The following USP45 variants were observed in gnomAD, a reference collection of about 807,000 sequenced individuals.
USP45 encodes the protein ubiquitin specific peptidase 45.
A neutral mutation model predicts 95.8 loss-of-function variants in USP45; 89 were observed. The observed-to-expected ratio is 0.93, with a 90% CI of 0.78 to 1.11. The LOEUF (loss-of-function observed/expected upper bound fraction) is 1.11. Among genes scored for constraint, USP45 ranks in the 50% least tolerant of loss-of-function variants. The pLI is 0.00. For missense variants in USP45, 898 were observed against 942.5 expected (o/e 0.95, Z 0.62); for synonymous variants, 281 against 316.2 (o/e 0.89, Z 1.18).
intron 8 of USP45, among the ~76,000 whole-genome samples, chr6:99,479,601 C>CAAA (rs34635892): frequency 0.12 from 13,677 of 117,030 alleles, 1,137 homozygotes; most frequent in African/African-American, 0.21. Flanking sequence ...TTCCAACAGA[C>CAAA]AAAAAAAAAA....
chr6:99,475,337 T>C (rs866576437), intron 9 of USP45, among the ~76,000 whole-genome samples: 1 of 97,150 alleles, frequency 1.0e-5, no homozygotes, highest in Non-Finnish European at 2.2e-5. Flanking sequence ...TTTTTTTTTT[T>C]ACAGCGTTTC....
intron 13 of USP45, among the ~76,000 whole-genome samples, chr6:99,459,101 G>T (rs1196585602): frequency 1.3e-5 from 2 of 152,082 alleles, no homozygotes; most frequent in Non-Finnish European, 2.9e-5. Flanking sequence ...ACTAAGCCTA[G>T]TATCCAATAT....
chr6:99,468,647 C>G (rs772470810), intron 9 of USP45, 29 bp from the exon 10 acceptor site: 60 of 1,480,992 alleles, frequency 4.1e-5, no homozygotes, highest in Non-Finnish European at 5.3e-5. Context: ...AGATTCTGGT[C>G]TAATAATAGT....
Position 99,446,057 on chromosome 6 carries a change from T to TG in USP45, c.1714dup (p.Gln572ProfsTer4), listed in dbSNP as rs1429898244. On this transcript the variant is annotated frameshift_variant, in exon 14 of 18. Transcript: ENST00000500704. LOFTEE classifies it high-confidence loss of function. ...TGGCTGATTTTCTCTGTCAAAATCTTGATCTCCAGTTACAGTGCTGCTCAA... is the reference window on the plus strand; with the variant it reads ...TGGCTGATTTTCTCTGTCAAAATCTTGGATCTCCAGTTACAGTGCTGCTCAA... 1 of 1,613,978 alleles carries TG rather than the reference T, an allele frequency of 6.2e-7. No individual in the cohort carries two copies. The highest frequency in any genetic ancestry group is 8.5e-7 in the Non-Finnish European group (1 of 1,180,038).
intron 3 of USP45, among the ~76,000 whole-genome samples, chr6:99,507,950 T>C (rs1798898049): frequency 2.0e-5 from 3 of 152,214 alleles, no homozygotes; most frequent in African/African-American, 7.2e-5. Context: ...GATGCAATTC[T>C]GGTTAATGCA....
chr6:99,462,840 C>T lies in USP45; in HGVS notation c.1308+1764G>A, dbSNP rs554767017. On this transcript the variant is annotated intron_variant, in intron 13 of 17. Coordinates refer to ENST00000500704, the MANE Select transcript of USP45 (RefSeq NM_001346022.3). The stretch of plus-strand genomic sequence containing the variant: ...TCTACAAAAAATAACAAAAATTAGC[C>T]GGGCATGGTGGTGTGCACATGTAGT... 279 of 271,208 alleles carry T rather than the reference C, an allele frequency of 1.0e-3. 1 individual carries two copies. Among genetic ancestry groups the T allele is most frequent in the Non-Finnish European group, 9.8e-4 (167 of 170,886 alleles). The allele number at this position is 271,208 out of a possible 1,614,324, so 16.8% of individuals were successfully genotyped here.
In USP45 at chr6:99,511,184, C is replaced by CTAT. The variant is rs71809544; in HGVS notation, c.-10-957_-10-955dup. Among the ~76,000 whole-genome samples the CTAT allele has an allele frequency of 1.5e-3, 217 of 149,636 alleles. 1 individual carries two copies. Among genetic ancestry groups the CTAT allele is most frequent in the African/African-American group, 4.8e-3 (195 of 40,778 alleles). On this transcript the variant is annotated intron_variant, in intron 1 of 17. Transcript: ENST00000500704. ...AGATTCCACATTTATATTATTATTA[C>CTAT]TATTATTATTATTATTATTATTTTG...
chr6:99,487,769 T>C (rs1184231859), intron 7 of USP45, among the ~76,000 whole-genome samples: 2 of 151,944 alleles, frequency 1.3e-5, no homozygotes, highest in Admixed American at 6.6e-5. Flanking sequence ...CACTCCAGCC[T>C]GCACTCCAGC....
intron 13 of USP45, chr6:99,462,003 T>C (rs1786558571): frequency 6.1e-6 from 6 of 985,060 alleles, no homozygotes. Flanking sequence ...ATGACTGAAA[T>C]ACATTTATGT....
At position 99,448,578 on chromosome 6, in the gene USP45, G is replaced by A. The variant is rs111367586; in HGVS notation, c.1309-2115C>T. The stretch of plus-strand genomic sequence containing the variant: ...ATGTCTGATTGCTGTACCTGAAAGT[G>A]ACAGGGAGAATGGAAAACACTCTGC... On this transcript the variant is annotated intron_variant, in intron 13 of 17. Coordinates refer to ENST00000500704, the MANE Select transcript of USP45 (RefSeq NM_001346022.3). Among the ~76,000 whole-genome samples the A allele has an allele frequency of 5.3e-3, 800 of 152,218 alleles. 14 individuals are homozygous for A. The highest frequency in any genetic ancestry group is 0.019 in the African/African-American group (773 of 41,564).
At chr6:99,462,269 G>T (rs987126231) in intron 13 of USP45, 2 of 984,704 alleles carry the variant, frequency 2.0e-6, no homozygotes, top group African/African-American at 3.5e-5. Context: ...TCCATGTGGT[G>T]TCCAGATCTT....
intron 17 of USP45, 136 bp downstream of exon 17, chr6:99,437,110 A>G: frequency 1.0e-6 from 1 of 963,224 alleles, no homozygotes; most frequent in South Asian, 1.7e-5. Flanking sequence ...CAATCAATCA[A>G]TCAATCAATT....
chr6:99,471,973 A>G (rs1021732168), intron 9 of USP45, among the ~76,000 whole-genome samples: 2 of 152,206 alleles, frequency 1.3e-5, no homozygotes, highest in Non-Finnish European at 2.9e-5. Context: ...AAAGCCTTCA[A>G]ATAGTGCAAG....
chr6:99,486,568 T>TAC (rs1793926411), intron 7 of USP45, among the ~76,000 whole-genome samples: 1 of 151,606 alleles, frequency 6.6e-6, no homozygotes, highest in South Asian at 2.1e-4. Context: ...TTCGACTATA[T>TAC]ATACATATAT....
At chr6:99,469,955 T>C (rs1168030079) in intron 9 of USP45, among the ~76,000 whole-genome samples, 1 of 151,960 alleles carries the variant, frequency 6.6e-6, no homozygotes, top group African/African-American at 2.4e-5. Flanking sequence ...AAGTTATATA[T>C]ATGGTATATG....
Position 99,473,181 on chromosome 6 carries a change from T to C in USP45, c.933+2962A>G, listed in dbSNP as rs1255756252. 2.6e-5 allele frequency among the ~76,000 whole-genome samples: 4 copies of C among 152,284 alleles called. No homozygotes were observed. The East Asian group carries it at 5.8e-4, about 22-fold the overall frequency. ...ATATAAGAATAATTATTTTGATTTC[T>C]TCCCAATTCAAATTCTCAAAAAAAA... On this transcript the variant is annotated intron_variant, in intron 9 of 17. Coordinates refer to ENST00000500704, the MANE Select transcript of USP45 (RefSeq NM_001346022.3).
At chr6:99,492,000 C>T (rs1795280580) in intron 5 of USP45, among the ~76,000 whole-genome samples, 1 of 152,100 alleles carries the variant, frequency 6.6e-6, no homozygotes, top group African/African-American at 2.4e-5. Context: ...GAAAATACTC[C>T]TAGAAATAAA....
intron 9 of USP45, among the ~76,000 whole-genome samples, chr6:99,475,180 T>G (rs1790489423): frequency 6.6e-6 from 1 of 152,170 alleles, no homozygotes; most frequent in Non-Finnish European, 1.5e-5. Context: ...TTGGTCTGCA[T>G]GGAGAAAAAT....
intron 5 of USP45, 107 bp from the exon 6 acceptor site, chr6:99,488,927 C>G: frequency 1.2e-6 from 1 of 856,772 alleles, no homozygotes; most frequent in Non-Finnish European, 1.6e-6. Context: ...GATTATCTCC[C>G]TGAATCAGTG....
Sources: gnomAD v4.1 joint callset for allele counts (sites outside exome capture counted in the v4.1 genomes callset) on GRCh38, gnomAD v4.1.1 for gene constraint, MANE v1.5 for transcripts, NCBI Gene and HGNC (gene_info 2026-07-23, HGNC 2026-07-21) for gene names.